Variants in KCNN2 observed in about 807,000 individuals in gnomAD.
KCNN2 encodes the protein potassium calcium-activated channel subfamily N member 2.
Under a neutral mutation model 55.5 loss-of-function variants are expected in KCNN2, and 24 were observed. The observed-to-expected ratio is 0.43, with a 90% CI of 0.31 to 0.61. The LOEUF (loss-of-function observed/expected upper bound fraction) is 0.61, where lower values mean the gene tolerates loss of function less well. Ranked by LOEUF, KCNN2 falls within the 20% of genes least tolerant of loss-of-function variation. KCNN2 has a pLI of 0.08. For missense variants in KCNN2, 754 were observed against 853.6 expected, an observed-to-expected ratio of 0.88 and a Z score of 1.45; for synonymous variants, 431 against 336.1, an observed-to-expected ratio of 1.28 and a Z score of -3.09.
chr5:114,380,092 C>T (rs1470555638), intron 2 of KCNN2, among the ~76,000 whole-genome samples: 1 of 151,542 alleles, frequency 6.6e-6, no homozygotes, highest in Non-Finnish European at 1.5e-5. Context: ...CAACAGTTTC[C>T]ATGAGATTAT....
At chr5:114,463,244 A>C in intron 4 of KCNN2, 54 bp downstream of exon 4, 2 of 1,459,630 alleles carry the variant, frequency 1.4e-6, no homozygotes, top group Non-Finnish European at 1.9e-6. Context: ...AAGGCACTTA[A>C]ACCACTCAGT....
At chr5:114,132,433 A>G (rs993757021) in intron 1 of KCNN2, among the ~76,000 whole-genome samples, 3 of 152,196 alleles carry the variant, frequency 2.0e-5, no homozygotes, top group African/African-American at 7.2e-5. Flanking sequence ...CGAAGATCAG[A>G]TGGTTGTAGA....
chr5:114,284,523 C>T lies in KCNN2; in HGVS notation c.-185+62958C>T, dbSNP rs981293115. 9.2e-5 allele frequency among the ~76,000 whole-genome samples: 14 copies of T among 151,930 alleles called. No homozygotes were observed. In the East Asian group the frequency reaches 2.5e-3, roughly 27 times the overall value. ...AGGTAAAAGATCATCTCCATTTTTT[C>T]TTTTTTTGTTTTTGAGATGGAGTCT... On this transcript the variant is annotated intron_variant, in intron 2 of 10. Coordinates refer to the KCNN2 transcript ENST00000512097.
chr5:114,474,000 G>A (rs922658963), intron 5 of KCNN2, among the ~76,000 whole-genome samples: 2 of 152,164 alleles, frequency 1.3e-5, no homozygotes, highest in African/African-American at 4.8e-5. Flanking sequence ...TTATTTTATA[G>A]TAGAGTCATC....
intron 2 of KCNN2, among the ~76,000 whole-genome samples, chr5:114,295,607 CT>C (rs1167085972): frequency 6.6e-6 from 1 of 152,160 alleles, no homozygotes; most frequent in Admixed American, 6.5e-5. Context: ...TCTGTCACCC[CT>C]TTCTTTGACT....
intron 2 of KCNN2, among the ~76,000 whole-genome samples, chr5:114,228,451 T>TA (rs1161610717): frequency 1.3e-5 from 2 of 152,098 alleles, no homozygotes; most frequent in Non-Finnish European, 2.9e-5. Context: ...GCAGACAGTT[T>TA]AAAATGTATA....
At chr5:114,085,457 T>A (rs1467463039) in intron 1 of KCNN2, among the ~76,000 whole-genome samples, 2 of 152,034 alleles carry the variant, frequency 1.3e-5, no homozygotes, top group Non-Finnish European at 2.9e-5. Context: ...TTATTGCAAA[T>A]GATATTGTGT....
At chr5:114,101,498 A>T (rs997088621) in intron 1 of KCNN2, among the ~76,000 whole-genome samples, 8 of 150,926 alleles carry the variant, frequency 5.3e-5, no homozygotes, top group African/African-American at 2.0e-4. Context: ...GGTTTGTTAC[A>T]TAGGTATACA....
In KCNN2 at chr5:114,272,334, ACACACATATATGTATG is replaced by A. The variant is rs1561548977; in HGVS notation, c.-185+50770_-185+50785del. On this transcript the variant is annotated intron_variant, in intron 2 of 10. Coordinates refer to the KCNN2 transcript ENST00000512097. ...CACACACATATATGTATGTACATAT[ACACACATATATGTATG>A]TACATACCATATACACACACATATG... Among the ~76,000 whole-genome samples, 43 of 116,738 alleles carry A rather than the reference ACACACATATATGTATG, an allele frequency of 3.7e-4. 2 individuals are homozygous for A. Among genetic ancestry groups the A allele is most frequent in the African/African-American group, 1.5e-3 (39 of 25,250 alleles). 76.6% of individuals were successfully genotyped at this position (116,738 alleles called of 152,430 possible). A position where few individuals can be genotyped will look rare whatever the true frequency, so the allele number is the denominator to read the frequency against.
intron 2 of KCNN2, among the ~76,000 whole-genome samples, chr5:114,263,796 A>G (rs904297946): frequency 2.6e-5 from 4 of 152,164 alleles, no homozygotes; most frequent in East Asian, 1.9e-4. Flanking sequence ...CTTTTAGACT[A>G]TTCACTCACC....
At chr5:114,131,578 G>A (rs1011343709) in intron 1 of KCNN2, among the ~76,000 whole-genome samples, 2 of 152,172 alleles carry the variant, frequency 1.3e-5, no homozygotes, top group Admixed American at 6.5e-5. Context: ...TGTGAATAGT[G>A]CTGCACTGAA....
At chr5:114,144,996 G>C (rs1752368639) in intron 1 of KCNN2, among the ~76,000 whole-genome samples, 1 of 152,116 alleles carries the variant, frequency 6.6e-6, no homozygotes, top group African/African-American at 2.4e-5. Flanking sequence ...AGGTGACAAG[G>C]TGGATTTACT....
At chr5:114,317,861 G>A (rs563800164) in intron 2 of KCNN2, among the ~76,000 whole-genome samples, 1 of 152,334 alleles carries the variant, frequency 6.6e-6, no homozygotes, top group South Asian at 2.1e-4. Flanking sequence ...ACTGCCTGCC[G>A]CAGGCAACGT....
intron 3 of KCNN2, among the ~76,000 whole-genome samples, chr5:114,433,084 G>A (rs1157569883): frequency 6.6e-6 from 1 of 152,226 alleles, no homozygotes; most frequent in African/African-American, 2.4e-5. Context: ...GCACGGGACT[G>A]GCAGGCAGCT....
chr5:114,222,859 C>T (rs4558978), intron 2 of KCNN2, among the ~76,000 whole-genome samples: 124,188 of 152,084 alleles, frequency 0.82, 50,831 homozygotes, highest in East Asian at 0.9. Context: ...CATCTGCAGT[C>T]TTTGATTATT....
chr5:114,490,784 T>G (rs1265624038), intron 6 of KCNN2: 1 of 397,862 alleles, frequency 2.5e-6, no homozygotes, highest in African/African-American at 2.1e-5. Context: ...TTTGTGAATT[T>G]TAGTAGTCTG....
chr5:114,270,920 C>T (rs967695695), intron 2 of KCNN2, among the ~76,000 whole-genome samples: 1 of 152,144 alleles, frequency 6.6e-6, no homozygotes, highest in African/African-American at 2.4e-5. Context: ...AGGAGTGAAG[C>T]TGCAGACCTT....
chr5:114,474,515 G>T lies in KCNN2; in HGVS notation c.1890+1351G>T, dbSNP rs552735027. Among the ~76,000 whole-genome samples, 306 of 152,246 alleles carry T rather than the reference G, an allele frequency of 2.0e-3. 1 individual carries two copies. The highest frequency in any genetic ancestry group is 3.5e-3 in the Non-Finnish European group (241 of 68,006). ...TGTGAACATCCCTGTATGAGAGTGT[G>T]CAGGGAAAAAGGTCAATGAGGAGCT... On this transcript the variant is annotated intron_variant, in intron 5 of 7. Coordinates refer to ENST00000673685, the MANE Select transcript of KCNN2 (RefSeq NM_021614.4).
chr5:114,194,320 A>T (rs1753507866), intron 1 of KCNN2, among the ~76,000 whole-genome samples: 1 of 152,106 alleles, frequency 6.6e-6, no homozygotes, highest in Non-Finnish European at 1.5e-5. Flanking sequence ...CCCACCAGCA[A>T]TGTATAAAGT....
Sources: allele counts gnomAD v4.1 joint callset (sites outside exome capture counted in the v4.1 genomes callset), GRCh38; gene constraint gnomAD v4.1.1; transcripts MANE v1.5; gene names NCBI Gene and HGNC (gene_info 2026-07-23, HGNC 2026-07-21).